RIOK3: variants seen among roughly 807,000 people sequenced by gnomAD.
The protein encoded by RIOK3 is serine/threonine-protein kinase RIO3.
In RIOK3, 40 loss-of-function variants were observed where a neutral mutation model predicts 63.5. That is an observed-to-expected ratio of 0.63 (90% CI 0.49 to 0.82). The LOEUF (loss-of-function observed/expected upper bound fraction) is 0.82. RIOK3 is among the 40% of genes least tolerant of loss of function. The pLI is 0.00. For missense variants in RIOK3, 557 were observed against 637.0 expected (o/e 0.87, Z 1.35); for synonymous variants, 193 against 205.0 (o/e 0.94, Z 0.50).
chr18:23,467,638 TAA>T (rs2057418753), intron 7 of RIOK3, 112 bp downstream of exon 7: 1 of 1,046,858 alleles, frequency 9.6e-7, no homozygotes, highest in Non-Finnish European at 1.4e-6. Context: ...GAGTAATTTT[TAA>T]AGTGTTATTG....
chr18:23,468,364 G>T (rs34279787), intron 7 of RIOK3, among the ~76,000 whole-genome samples: 17,924 of 135,906 alleles, frequency 0.13, 1,255 homozygotes, highest in Middle Eastern at 0.21. Context: ...GTACAATGGC[G>T]CAATCTCAGC....
intron 5 of RIOK3, 63 bp downstream of exon 5, chr18:23,464,691 G>T: frequency 3.2e-6 from 3 of 947,360 alleles, no homozygotes; most frequent in South Asian, 1.8e-5. Context: ...TTCAAAAACA[G>T]GATTCTAAAT....
At position 23,475,102 on chromosome 18, in the gene RIOK3, C is replaced by G. The variant is rs142635228; in HGVS notation, c.1168C>G (p.Leu390Val). ...AATGAAAGAAGCCTACTATCAAACT[C>G]TTCATGTAAGTTGTGCTTTTAAAAG... ...EEMKEAYYQT[L>V]HLMRQLYHEC... is the part of the protein sequence containing the mutation. The change falls in exon 9 of 13, where the codon CTT becomes GTT. Residue 390 changes from leucine (L) to valine (V), a missense_variant. Leu to Val is a conservative substitution (Grantham distance 32). Coordinates refer to ENST00000339486, the MANE Select transcript of RIOK3 (RefSeq NM_003831.5). The G allele has an allele frequency of 7.8e-5, 125 of 1,607,556 alleles. No homozygotes were observed. The highest frequency in any genetic ancestry group is 2.0e-5 in the Non-Finnish European group (24 of 1,177,284).
chr18:23,462,709 T>C (rs1339310990), intron 1 of RIOK3, among the ~76,000 whole-genome samples: 1 of 152,234 alleles, frequency 6.6e-6, no homozygotes, highest in Non-Finnish European at 1.5e-5. Context: ...GGCCTGATGC[T>C]TCCCCTCAGC....
intron 7 of RIOK3, 102 bp downstream of exon 7, chr18:23,467,628 G>C (rs1032134040): frequency 8.6e-7 from 1 of 1,168,824 alleles, no homozygotes; most frequent in Non-Finnish European, 1.2e-6. Flanking sequence ...ATGGCAAGCA[G>C]AGTAATTTTT....
In RIOK3 at chr18:23,466,063, GTTGTTT is replaced by G. The variant is rs895630478; in HGVS notation, c.544-55_544-50del. On this transcript the variant is annotated intron_variant, in intron 5 of 12. Coordinates refer to ENST00000339486, the MANE Select transcript of RIOK3 (RefSeq NM_003831.5). ...GAGTAAGAAAGACTAATCTCATTTG[GTTGTTT>G]TTGTTTTTGTTTTTAACTGTCCCTA... The G allele has an allele frequency of 8.5e-5, 103 of 1,215,026 alleles. No individual in the cohort carries two copies. The African/African-American group carries it at 1.0e-3, about 12-fold the overall frequency. 75.3% of individuals were successfully genotyped at this position (1,215,026 alleles called of 1,614,324 possible).
In RIOK3 at chr18:23,464,544, G is replaced by A; in HGVS notation, c.459G>A (p.Lys153=). Residue 153 remains lysine (K), a synonymous_variant, in exon 5 of 13, where the codon AAG becomes AAA. Coordinates refer to ENST00000339486, the MANE Select transcript of RIOK3 (RefSeq NM_003831.5). ...CAAAACCGGTTCCCACTCCTAAAAA[G>A]GGCTTTATTGGAAAAGGAAAAGATA... ...RPAKPVPTPK[K]GFIGKGKDIT... 1 of 1,604,464 alleles carries A rather than the reference G, an allele frequency of 6.2e-7. No individual in the cohort carries two copies. The highest frequency in any genetic ancestry group is 1.3e-5 in the African/African-American group (1 of 74,510).
In RIOK3 at chr18:23,464,027, G is replaced by T; in HGVS notation, c.240G>T (p.Leu80=). The T allele has an allele frequency of 2.5e-6, 4 of 1,613,436 alleles. No homozygotes were observed. Among genetic ancestry groups the T allele is most frequent in the Non-Finnish European group, 2.5e-6 (3 of 1,179,664 alleles). ...ENIDTSSDLM[L]AQMLQMEYDR... ...TTGATACTTCCAGTGACCTTATGCT[G>T]GCTCAGATGCTACAGATGGAATATG... is the stretch of plus-strand genomic sequence containing the variant. Residue 80 remains leucine, a synonymous_variant, in exon 3 of 13, where the codon CTG becomes CTT. Coordinates refer to ENST00000339486, the MANE Select transcript of RIOK3 (RefSeq NM_003831.5).
At chr18:23,479,461 A>G (rs774093712) in intron 12 of RIOK3, 37 bp downstream of exon 12, 8 of 1,257,870 alleles carry the variant, frequency 6.4e-6, no homozygotes, top group Middle Eastern at 1.9e-4. Context: ...CTTGCTGGTC[A>G]TGCAGAACTG....
chr18:23,475,696 G>A (rs949473059), intron 9 of RIOK3, among the ~76,000 whole-genome samples: 2 of 152,092 alleles, frequency 1.3e-5, no homozygotes, highest in Non-Finnish European at 2.9e-5. Flanking sequence ...CTATAACAAA[G>A]ACAAGTTGAA....
At chr18:23,480,011 G>C (rs967948849) in intron 12 of RIOK3, among the ~76,000 whole-genome samples, 1 of 152,174 alleles carries the variant, frequency 6.6e-6, no homozygotes, top group Non-Finnish European at 1.5e-5. Context: ...GAATGAGGAA[G>C]TTGAACACTC....
chr18:23,478,105 G>A (rs1367917488), intron 11 of RIOK3, among the ~76,000 whole-genome samples: 2 of 151,636 alleles, frequency 1.3e-5, no homozygotes, highest in Non-Finnish European at 2.9e-5. Flanking sequence ...AAGGGAATAA[G>A]TGAGTGTTTT....
intron 9 of RIOK3, 109 bp from the exon 10 acceptor site, chr18:23,476,897 G>T: frequency 1.2e-6 from 1 of 835,890 alleles, no homozygotes; most frequent in Non-Finnish European, 1.9e-6. Flanking sequence ...GGGCGACAGA[G>T]TGAGACTCTG....
chr18:23,453,327 C>G lies in RIOK3; in HGVS notation c.-113C>G. On this transcript the variant is annotated 5_prime_UTR_variant, in exon 1 of 13. Transcript: ENST00000339486. ...CGCCGCCGTCGCCGCCATCTGTCAC[C>G]TCCACTCCGGCATCAGCAGCCAGTC... is the stretch of plus-strand genomic sequence containing the variant. The G allele has an allele frequency of 1.1e-6, 1 of 877,560 alleles. No individual in the cohort carries two copies. 54.4% of individuals were successfully genotyped at this position (877,560 alleles called of 1,614,324 possible).
At chr18:23,458,618 G>A (rs531675548) in intron 1 of RIOK3, among the ~76,000 whole-genome samples, 91 of 152,328 alleles carry the variant, frequency 6.0e-4, no homozygotes, top group African/African-American at 2.2e-3. Flanking sequence ...AGCTAGGACA[G>A]AGCAAGATTA....
In RIOK3 at chr18:23,479,441, T is replaced by G. The variant is rs1490134949; in HGVS notation, c.1452+17T>G. 6.6e-7 allele frequency: 1 copy of G among 1,505,342 alleles called. No homozygotes were observed. The allele number at this position is 1,505,342 out of a possible 1,614,324, so 93.2% of individuals were successfully genotyped here. Reference sequence around the variant, plus strand: ...TTAGCTGAGGTATGTGATAAACAGCTGTTTTTCACCTTGCTGGTCATGCAG... The same window carrying G: ...TTAGCTGAGGTATGTGATAAACAGCGGTTTTTCACCTTGCTGGTCATGCAG... On this transcript the variant is annotated intron_variant, in intron 12 of 12. Transcript: ENST00000339486.
In RIOK3 at chr18:23,476,992, T is replaced by C; in HGVS notation, c.1174-14T>C. On this transcript the variant is annotated splice_polypyrimidine_tract_variant and intron_variant, in intron 9 of 12. Coordinates refer to ENST00000339486, the MANE Select transcript of RIOK3 (RefSeq NM_003831.5). ...AATTATTCATTTCCTAATGTGTGCC[T>C]TCCCTCTTCACAGTTGATGCGGCAG... The C allele has an allele frequency of 1.9e-6, 3 of 1,607,822 alleles. No homozygotes were observed. The highest frequency in any genetic ancestry group is 2.6e-6 in the Non-Finnish European group (3 of 1,175,098).
intron 7 of RIOK3, among the ~76,000 whole-genome samples, chr18:23,472,762 A>G (rs1444370430): frequency 6.6e-6 from 1 of 152,076 alleles, no homozygotes; most frequent in African/African-American, 2.4e-5. Flanking sequence ...CTTTAGCTCC[A>G]ATTTTTTTTC....
chr18:23,453,463 G>A lies in RIOK3; in HGVS notation c.24G>A (p.Ser8=). The A allele has an allele frequency of 6.2e-7, 1 of 1,613,794 alleles. No individual in the cohort carries two copies. Among genetic ancestry groups the A allele is most frequent in the Non-Finnish European group, 8.5e-7 (1 of 1,179,882 alleles). The change falls in exon 1 of 13, where the codon TCG becomes TCA. Residue 8 remains serine, a synonymous_variant. Coordinates refer to ENST00000339486, the MANE Select transcript of RIOK3 (RefSeq NM_003831.5). Reference sequence around the variant, plus strand: ...GAATGGATCTGGTAGGAGTGGCATCGCCTGAGCCCGGGACGGCAGCGGCCT... The same window carrying A: ...GAATGGATCTGGTAGGAGTGGCATCACCTGAGCCCGGGACGGCAGCGGCCT... MDLVGVA[S]PEPGTAAAWG...
Sources: gnomAD v4.1 joint callset for allele counts (sites outside exome capture counted in the v4.1 genomes callset) on GRCh38, gnomAD v4.1.1 for gene constraint, MANE v1.5 for transcripts, NCBI Gene and HGNC (gene_info 2026-07-23, HGNC 2026-07-21) for gene names.